Variants in COL6A6 observed in about 807,000 individuals in gnomAD.
COL6A6 encodes the protein collagen type VI alpha 6 chain.
Under a neutral mutation model 208.6 loss-of-function variants are expected in COL6A6, and 183 were observed. The ratio of observed to expected loss-of-function variants is 0.88; its 90% CI spans 0.78 to 0.99. The LOEUF is 0.99. COL6A6 is among the 50% of genes least tolerant of loss of function. The pLI is 0.00. For missense variants in COL6A6, 2,816 were observed against 2,815.2 expected, an observed-to-expected ratio of 1.00 and a Z score of -0.01; for synonymous variants, 973 against 1,011.8, an observed-to-expected ratio of 0.96 and a Z score of 0.73.
intron 11 of COL6A6, among the ~76,000 whole-genome samples, chr3:130,587,885 C>T (rs1272676866): frequency 6.6e-6 from 1 of 152,142 alleles, no homozygotes; most frequent in Non-Finnish European, 1.5e-5. Context: ...TTCCTGTCGA[C>T]TACTGTTTGA....
intron 36 of COL6A6, among the ~76,000 whole-genome samples, chr3:130,666,324 A>T (rs959442370): frequency 6.6e-6 from 1 of 152,222 alleles, no homozygotes; most frequent in Non-Finnish European, 1.5e-5. Context: ...TGTATGTGGT[A>T]GTAGTATCAT....
At chr3:130,586,008 G>GC (rs1349920035) in intron 10 of COL6A6, among the ~76,000 whole-genome samples, 3 of 152,208 alleles carry the variant, frequency 2.0e-5, no homozygotes, top group Non-Finnish European at 4.4e-5. Flanking sequence ...AGGCTGGGGT[G>GC]CAGGGGCACA....
At chr3:130,602,768 T>C (rs1236666423) in intron 20 of COL6A6, among the ~76,000 whole-genome samples, 1 of 152,240 alleles carries the variant, frequency 6.6e-6, no homozygotes, top group Non-Finnish European at 1.5e-5. Context: ...GAATTTTATC[T>C]GTAAGAATGA....
At chr3:130,663,509 G>A (rs550954519) in intron 35 of COL6A6, among the ~76,000 whole-genome samples, 1 of 152,260 alleles carries the variant, frequency 6.6e-6, no homozygotes, top group Non-Finnish European at 1.5e-5. Context: ...GGAAAAAAAC[G>A]GGGATGGGGC....
chr3:130,604,549 G>A (rs959547826), intron 20 of COL6A6, among the ~76,000 whole-genome samples: 4 of 151,528 alleles, frequency 2.6e-5, no homozygotes, highest in Non-Finnish European at 4.4e-5. Context: ...CTATGCGATC[G>A]TTTCTAGAGA....
At chr3:130,627,274 C>CT in intron 25 of COL6A6, 45 bp from the exon 26 acceptor site, 1 of 1,569,476 alleles carries the variant, frequency 6.4e-7, no homozygotes, top group Non-Finnish European at 8.8e-7. Flanking sequence ...AAGCCTGTCT[C>CT]TATCTGTAGT....
rs2063237449 is a variant in COL6A6 at position 130,574,166 on chromosome 3, T to C, written c.3188T>C (p.Ile1063Thr). Residue 1063 changes from isoleucine to threonine, a missense_variant, in exon 8 of 37, where the codon ATA (isoleucine) becomes ACA (threonine). Ile to Thr is a moderately conservative substitution (Grantham distance 89). Transcript: ENST00000358511. ...PLGTFIGEKE[I>T]SFQIENIKQI... ...GGAACTTTCATAGGTGAAAAAGAGATATCATTTCAGATTGAAAACATCAAG... is the reference window on the plus strand; with the variant it reads ...GGAACTTTCATAGGTGAAAAAGAGACATCATTTCAGATTGAAAACATCAAG... 2 of 1,614,004 alleles carry C rather than the reference T, an allele frequency of 1.2e-6. No homozygotes were observed. Among genetic ancestry groups the C allele is most frequent in the East Asian group, 2.2e-5 (1 of 44,880 alleles).
chr3:130,613,617 T>C (rs1216512024), intron 23 of COL6A6, among the ~76,000 whole-genome samples: 1 of 152,254 alleles, frequency 6.6e-6, no homozygotes, highest in East Asian at 1.9e-4. Flanking sequence ...ATGGCCATTT[T>C]AACAACATTG....
intron 27 of COL6A6, 94 bp downstream of exon 27, chr3:130,634,719 A>G (rs747630062): frequency 1.5e-5 from 13 of 876,860 alleles, no homozygotes; most frequent in Non-Finnish European, 2.3e-5. Flanking sequence ...AGTTAATGAT[A>G]AATAAATGTC....
intron 1 of COL6A6, among the ~76,000 whole-genome samples, chr3:130,545,505 G>C (rs1431265321): frequency 6.7e-6 from 1 of 150,090 alleles, no homozygotes; most frequent in Non-Finnish European, 1.5e-5. Context: ...CCAGGCTGGA[G>C]TGCAGTGGCA....
intron 1 of COL6A6, among the ~76,000 whole-genome samples, chr3:130,541,381 C>G (rs1290370443): frequency 1.3e-5 from 2 of 152,198 alleles, no homozygotes; most frequent in Non-Finnish European, 2.9e-5. Context: ...GATTCTTTAT[C>G]CACTTACCTG....
At chr3:130,571,883 A>G (rs927846716) in intron 7 of COL6A6, among the ~76,000 whole-genome samples, 4 of 115,098 alleles carry the variant, frequency 3.5e-5, no homozygotes, top group South Asian at 2.7e-4. Flanking sequence ...GGGTTTCACT[A>G]TGTTGCCCAG....
intron 35 of COL6A6, among the ~76,000 whole-genome samples, chr3:130,663,326 G>A (rs1424355848): frequency 6.6e-6 from 1 of 152,076 alleles, no homozygotes; most frequent in Non-Finnish European, 1.5e-5. Context: ...TAGAATCTTA[G>A]GACCCAACCC....
At chr3:130,536,079 T>C (rs571421874) in intron 1 of COL6A6, among the ~76,000 whole-genome samples, 1 of 152,348 alleles carries the variant, frequency 6.6e-6, no homozygotes, top group South Asian at 2.1e-4. Flanking sequence ...ATTTTCTATT[T>C]TTGATTTTAT....
At chr3:130,625,106 G>A (rs534274613) in intron 24 of COL6A6, among the ~76,000 whole-genome samples, 39 of 152,170 alleles carry the variant, frequency 2.6e-4, no homozygotes, top group Middle Eastern at 3.2e-3. Flanking sequence ...AATCCAATGG[G>A]ATCCAAGAAT....
intron 33 of COL6A6, 118 bp from the exon 34 acceptor site, chr3:130,658,558 C>T: frequency 1.5e-6 from 1 of 680,724 alleles, no homozygotes; most frequent in Non-Finnish European, 2.6e-6. Flanking sequence ...TGTGCCTCCC[C>T]CGTACCTTCT....
intron 12 of COL6A6, among the ~76,000 whole-genome samples, 182 bp downstream of exon 12, chr3:130,589,364 G>A (rs1468915206): frequency 2.6e-5 from 4 of 152,132 alleles, no homozygotes; most frequent in African/African-American, 9.7e-5. Flanking sequence ...CTAAATTGGA[G>A]TCTTTTTTAA....
rs2062945773 is a variant in COL6A6 at position 130,563,576 on chromosome 3, C to G, written c.573C>G (p.Asp191Glu). ...QFHFNLRTVR[D>E]LSMFSQNMTH... ...ATTTCAACCTTCGGACAGTCAGAGA[C>G]CTCAGCATGTTTTCCCAAAACATGA... is the stretch of plus-strand genomic sequence containing the variant. The change falls in exon 3 of 37, where the codon GAC becomes GAG. Residue 191 changes from aspartate (D) to glutamate (E), a missense_variant. Asp to Glu is a conservative substitution (Grantham distance 45, BLOSUM62 2). Coordinates refer to ENST00000358511, the MANE Select transcript of COL6A6 (RefSeq NM_001102608.3). The G allele has an allele frequency of 6.2e-7, 1 of 1,613,858 alleles. No individual in the cohort carries two copies. The highest frequency in any genetic ancestry group is 1.3e-5 in the African/African-American group (1 of 74,900).
rs1367439794 is a variant in COL6A6 at position 130,571,410 on chromosome 3, A to AAAT, written c.2977+18_2977+19insATA. ...CAAAAGTAGGTAAGTTTTGCCAACT[A>AAAT]AGTTTTTCCTAATTATTAGCAGAGG... On this transcript the variant is annotated intron_variant, in intron 7 of 36. Transcript: ENST00000358511. The AAAT allele has an allele frequency of 6.6e-7, 1 of 1,518,074 alleles. No individual in the cohort carries two copies. Among genetic ancestry groups the AAAT allele is most frequent in the East Asian group, 2.3e-5 (1 of 43,958 alleles). The allele number at this position is 1,518,074 out of a possible 1,614,324, so 94.0% of individuals were successfully genotyped here.
Sources: allele counts gnomAD v4.1 joint callset (sites outside exome capture counted in the v4.1 genomes callset), GRCh38; gene constraint gnomAD v4.1.1; transcripts MANE v1.5; gene names NCBI Gene and HGNC (gene_info 2026-07-23, HGNC 2026-07-21).